The following SLIT3 variants were observed in gnomAD, a reference collection of about 807,000 sequenced individuals.
SLIT3 encodes the protein slit homolog 3 protein.
A neutral mutation model predicts 184.0 loss-of-function variants in SLIT3; 68 were observed. The ratio of observed to expected loss-of-function variants is 0.37; its 90% CI spans 0.30 to 0.45. The LOEUF (loss-of-function observed/expected upper bound fraction) is 0.45. Ranked by LOEUF, SLIT3 falls within the 20% of genes least tolerant of loss-of-function variation. The pLI, the probability that SLIT3 is intolerant of heterozygous loss-of-function variation, is 1.00. For missense variants in SLIT3, 1,707 were observed against 2,026.0 expected, an observed-to-expected ratio of 0.84 and a Z score of 3.02; for synonymous variants, 831 against 828.6, an observed-to-expected ratio of 1.00 and a Z score of -0.05.
At chr5:168,696,232 A>G in intron 28 of SLIT3, 60 bp downstream of exon 28, 2 of 1,598,702 alleles carry the variant, frequency 1.3e-6, no homozygotes, top group South Asian at 1.1e-5. Context: ...GGAAGTTAAG[A>G]AAATGGTATT....
At chr5:169,125,053 GTTTT>G (rs1236280620) in intron 4 of SLIT3, among the ~76,000 whole-genome samples, 1 of 151,386 alleles carries the variant, frequency 6.6e-6, no homozygotes, top group African/African-American at 2.4e-5. Context: ...TTTGTTTTTT[GTTTT>G]TTGTTTTTTG....
At chr5:169,043,780 G>A (rs551242641) in intron 4 of SLIT3, among the ~76,000 whole-genome samples, 3 of 152,318 alleles carry the variant, frequency 2.0e-5, no homozygotes, top group African/African-American at 7.2e-5. Flanking sequence ...GGCAAGAAGA[G>A]TGGCTGATTT....
chr5:169,186,752 C>T lies in SLIT3; in HGVS notation c.413+6727G>A, dbSNP rs186020116. On this transcript the variant is annotated intron_variant, in intron 4 of 35. Coordinates refer to ENST00000519560, the MANE Select transcript of SLIT3 (RefSeq NM_003062.4). ...GCAGAAAATGGTGAATATGAAGAGG[C>T]GGCGCAGACTAGCCAAGATGAGAGT... 3.2e-4 allele frequency among the ~76,000 whole-genome samples: 48 copies of T among 152,246 alleles called. No individual in the cohort carries two copies. In the South Asian group the frequency reaches 4.4e-3, roughly 14 times the overall value.
chr5:169,157,390 C>T (rs1241439896), intron 4 of SLIT3, among the ~76,000 whole-genome samples: 4 of 152,194 alleles, frequency 2.6e-5, no homozygotes, highest in South Asian at 4.1e-4. Context: ...AGTAATAAGG[C>T]ATGCTTGCCC....
chr5:168,734,971 C>T (rs1763387193), intron 20 of SLIT3, among the ~76,000 whole-genome samples: 1 of 152,184 alleles, frequency 6.6e-6, no homozygotes, highest in East Asian at 1.9e-4. Context: ...AAAGCTTTCA[C>T]ATCAGAAATG....
chr5:169,021,126 C>T (rs533119244), intron 4 of SLIT3, among the ~76,000 whole-genome samples: 29 of 152,244 alleles, frequency 1.9e-4, no homozygotes, highest in Non-Finnish European at 1.2e-4. Context: ...AGATGTAGTT[C>T]TTCTGTCTAT....
At chr5:169,216,576 C>G (rs1366346543) in intron 3 of SLIT3, among the ~76,000 whole-genome samples, 2 of 152,178 alleles carry the variant, frequency 1.3e-5, no homozygotes, top group Admixed American at 1.3e-4. Flanking sequence ...GGCTGAAAAG[C>G]TCACCATTGA....
At chr5:168,755,448 T>TCTCTCTCTCTCTCTCTCTC (rs1419173588) in intron 16 of SLIT3, among the ~76,000 whole-genome samples, 2 of 102,560 alleles carry the variant, frequency 2.0e-5, no homozygotes, top group East Asian at 2.9e-4. Context: ...TTTCTTTCTT[T>TCTCTCTCTCTCTCTCTCTC]TTGAGACAGA....
At chr5:168,807,630 C>T (rs780980232) in intron 8 of SLIT3, among the ~76,000 whole-genome samples, 1 of 152,202 alleles carries the variant, frequency 6.6e-6, no homozygotes, top group Non-Finnish European at 1.5e-5. Flanking sequence ...AGAGCCATGA[C>T]TGAGACCAAA....
intron 4 of SLIT3, among the ~76,000 whole-genome samples, chr5:169,192,425 G>GTC (rs781755117): frequency 3.6e-5 from 3 of 82,260 alleles, no homozygotes; most frequent in African/African-American, 1.2e-4. Context: ...TATAGTCTCT[G>GTC]TGTGTGTGTG....
At chr5:168,700,155 C>T (rs749267161) in intron 27 of SLIT3, among the ~76,000 whole-genome samples, 3 of 152,202 alleles carry the variant, frequency 2.0e-5, no homozygotes, top group African/African-American at 4.8e-5. Context: ...CCTCGCTGGT[C>T]GTATCTCTGC....
chr5:169,016,185 C>G (rs955830928), intron 4 of SLIT3, among the ~76,000 whole-genome samples: 1 of 152,160 alleles, frequency 6.6e-6, no homozygotes, highest in African/African-American at 2.4e-5. Context: ...TGAGATAAAT[C>G]CCCAAGTCTC....
At chr5:168,950,176 T>TTA (rs1160812665) in intron 4 of SLIT3, among the ~76,000 whole-genome samples, 1 of 151,854 alleles carries the variant, frequency 6.6e-6, no homozygotes, top group Non-Finnish European at 1.5e-5. Flanking sequence ...AATTGTGCCC[T>TTA]TATAAAAGGG....
chr5:168,890,830 C>T (rs1349415505), intron 4 of SLIT3, among the ~76,000 whole-genome samples: 1 of 152,164 alleles, frequency 6.6e-6, no homozygotes, highest in Non-Finnish European at 1.5e-5. Flanking sequence ...ATGCAGATTC[C>T]TGGGGTCCAT....
rs1272803308 is a variant in SLIT3 at position 168,723,004 on chromosome 5, A to G, written c.2340T>C (p.Ile780=). 6.2e-7 allele frequency: 1 copy of G among 1,613,512 alleles called. No homozygotes were observed. Among genetic ancestry groups the G allele is most frequent in the Admixed American group, 1.7e-5 (1 of 60,026 alleles). ...ELSALRHLTL[I]DLSNNSISML... ...TGCTGATGCTGTTGTTGCTCAGGTC[A>G]CTAGGAAAAGTAAAACAGAGGGGTC... Residue 780 remains isoleucine, a splice_region_variant and synonymous_variant, in exon 22 of 36, where the codon ATT becomes ATC. Transcript: ENST00000519560.
chr5:168,884,569 T>TTC (rs70979105), intron 4 of SLIT3, among the ~76,000 whole-genome samples: 1 of 128,108 alleles, frequency 7.8e-6, no homozygotes, highest in East Asian at 2.3e-4. Context: ...TATATATATA[T>TTC]ATATATATAT....
chr5:169,099,934 T>C (rs1282590650), intron 4 of SLIT3, among the ~76,000 whole-genome samples: 1 of 152,244 alleles, frequency 6.6e-6, no homozygotes, highest in Non-Finnish European at 1.5e-5. Flanking sequence ...GCTGGGCTTA[T>C]CTGAACGAAA....
intron 3 of SLIT3, among the ~76,000 whole-genome samples, chr5:169,211,742 G>A (rs1764272466): frequency 6.6e-6 from 1 of 152,060 alleles, no homozygotes; most frequent in Non-Finnish European, 1.5e-5. Flanking sequence ...CGCACCCATT[G>A]AACTGTCACC....
At chr5:168,758,392 G>T (rs186449887) in intron 16 of SLIT3, among the ~76,000 whole-genome samples, 2 of 152,204 alleles carry the variant, frequency 1.3e-5, no homozygotes, top group Non-Finnish European at 2.9e-5. Context: ...ACAAATATGC[G>T]CTTGGCCAGC....
Sources: allele counts gnomAD v4.1 joint callset (sites outside exome capture counted in the v4.1 genomes callset), GRCh38; gene constraint gnomAD v4.1.1; transcripts MANE v1.5; gene names NCBI Gene and HGNC (gene_info 2026-07-23, HGNC 2026-07-21).